The following PLPP1 variants were observed in gnomAD, a reference collection of about 807,000 sequenced individuals.
PLPP1 encodes the protein lipid phosphate phosphohydrolase 1a.
In PLPP1, 24 loss-of-function variants were observed where a neutral mutation model predicts 31.2. The ratio of observed to expected loss-of-function variants is 0.77; its 90% CI spans 0.56 to 1.08. The LOEUF is 1.08. PLPP1 is among the 50% of genes least tolerant of loss of function. The pLI is 0.00. For missense variants in PLPP1, 319 were observed against 342.7 expected (o/e 0.93, Z 0.55); for synonymous variants, 146 against 126.3 (o/e 1.16, Z -1.05).
chr5:55,436,504 G>A (rs898105251), intron 4 of PLPP1, among the ~76,000 whole-genome samples: 1 of 152,206 alleles, frequency 6.6e-6, no homozygotes, highest in South Asian at 2.1e-4. Context: ...GGAACTGGGA[G>A]TCCAATTAAA....
chr5:55,439,948 G>A (rs1751585446), intron 4 of PLPP1, among the ~76,000 whole-genome samples: 1 of 152,130 alleles, frequency 6.6e-6, no homozygotes, highest in South Asian at 2.1e-4. Context: ...TTCAGACCAA[G>A]TAATCAATCA....
chr5:55,514,167 C>T (rs541742606), intron 1 of PLPP1, among the ~76,000 whole-genome samples: 34 of 152,200 alleles, frequency 2.2e-4, no homozygotes, highest in African/African-American at 7.9e-4. Flanking sequence ...TTGCTTGAGC[C>T]CAGGAGTGCA....
At chr5:55,438,745 C>CA (rs1234795228) in intron 4 of PLPP1, among the ~76,000 whole-genome samples, 1 of 151,960 alleles carries the variant, frequency 6.6e-6, no homozygotes, top group Non-Finnish European at 1.5e-5. Flanking sequence ...ACTAAAGATA[C>CA]AAAAAATTAG....
chr5:55,443,192 A>AAAAAAAAAAAAATATATATATAT, intron 3 of PLPP1, among the ~76,000 whole-genome samples: 3 of 25,438 alleles, frequency 1.2e-4, no homozygotes, highest in Non-Finnish European at 1.7e-4. Flanking sequence ...AAAAAAAAAA[A>AAAAAAAAAAAAATATATATATAT]ATATATATAT....
intron 1 of PLPP1, among the ~76,000 whole-genome samples, chr5:55,529,741 T>C (rs1203582299): frequency 7.3e-6 from 1 of 136,778 alleles, no homozygotes; most frequent in Non-Finnish European, 1.6e-5. Context: ...GCAACTCTAA[T>C]AACTGGCTCA....
At chr5:55,488,698 T>C (rs1438909605) in intron 1 of PLPP1, among the ~76,000 whole-genome samples, 1 of 152,048 alleles carries the variant, frequency 6.6e-6, no homozygotes, top group Non-Finnish European at 1.5e-5. Context: ...AAAAAATGTG[T>C]CAAACTAAAG....
intron 1 of PLPP1, among the ~76,000 whole-genome samples, chr5:55,500,639 G>T (rs1353513): frequency 0.037 from 2,121 of 57,340 alleles, 48 homozygotes; most frequent in African/African-American, 0.079. Flanking sequence ...TATTCTGTGG[G>T]TAGCAGGGAG....
chr5:55,457,888 C>A (rs955298876), intron 3 of PLPP1, among the ~76,000 whole-genome samples: 119 of 143,212 alleles, frequency 8.3e-4, no homozygotes, highest in South Asian at 5.2e-3. Flanking sequence ...GACTCTGTCT[C>A]AAAAAAAAAA....
At chr5:55,458,869 C>G (rs146573859) in intron 3 of PLPP1, among the ~76,000 whole-genome samples, 5,248 of 110,090 alleles carry the variant, frequency 0.048, 113 homozygotes, top group Middle Eastern at 0.13. Flanking sequence ...GTCTGGGCAA[C>G]AGAGGAGACC....
chr5:55,445,145 A>G (rs936950237), intron 3 of PLPP1, among the ~76,000 whole-genome samples: 1 of 152,090 alleles, frequency 6.6e-6, no homozygotes, highest in Admixed American at 6.6e-5. Flanking sequence ...ACTTGGCCTG[A>G]TCCCCAATAT....
At chr5:55,511,532 A>G (rs1476010589) in intron 1 of PLPP1, among the ~76,000 whole-genome samples, 2 of 152,126 alleles carry the variant, frequency 1.3e-5, no homozygotes, top group African/African-American at 4.8e-5. Context: ...AAAGCACTGG[A>G]AAGATAAGCA....
At chr5:55,494,200 A>C (rs1752957074) in intron 1 of PLPP1, among the ~76,000 whole-genome samples, 1 of 151,924 alleles carries the variant, frequency 6.6e-6, no homozygotes, top group Non-Finnish European at 1.5e-5. Flanking sequence ...AAAGGGAGAG[A>C]GAGAGCAAGA....
intron 1 of PLPP1, among the ~76,000 whole-genome samples, chr5:55,478,330 G>A (rs969925858): frequency 3.9e-5 from 6 of 152,178 alleles, no homozygotes; most frequent in African/African-American, 9.7e-5. Flanking sequence ...AACCCACTGT[G>A]CAAGGAATTC....
intron 1 of PLPP1, among the ~76,000 whole-genome samples, chr5:55,503,912 A>AG (rs150884435): frequency 3.6e-5 from 2 of 55,856 alleles, no homozygotes; most frequent in African/African-American, 8.9e-5. Context: ...GGGGGGAGGA[A>AG]GGGGGGGGAG....
chr5:55,528,200 T>C (rs1740539110), intron 1 of PLPP1, among the ~76,000 whole-genome samples: 1 of 152,058 alleles, frequency 6.6e-6, no homozygotes, highest in Non-Finnish European at 1.5e-5. Flanking sequence ...CCTACTGCCC[T>C]ATATCAAGTT....
chr5:55,430,639 A>G (rs989246037), intron 4 of PLPP1, among the ~76,000 whole-genome samples: 1 of 152,362 alleles, frequency 6.6e-6, no homozygotes, highest in Middle Eastern at 3.4e-3. Flanking sequence ...TGACTGTTAA[A>G]CCAGATGTAC....
intron 1 of PLPP1, among the ~76,000 whole-genome samples, chr5:55,476,947 C>A (rs1440318201): frequency 6.6e-6 from 1 of 151,638 alleles, no homozygotes; most frequent in Non-Finnish European, 1.5e-5. Flanking sequence ...CTGTATTAGT[C>A]AATTTGCCAA....
At chr5:55,471,700 CTTA>C (rs1282078609) in intron 2 of PLPP1, among the ~76,000 whole-genome samples, 4 of 152,088 alleles carry the variant, frequency 2.6e-5, no homozygotes, top group African/African-American at 9.7e-5. Flanking sequence ...GGTATGCAGT[CTTA>C]ATCACAGGGA....
chr5:55,465,929 G>A (rs1463118810), intron 3 of PLPP1, among the ~76,000 whole-genome samples: 1 of 99,048 alleles, frequency 1.0e-5, no homozygotes, highest in Non-Finnish European at 2.2e-5. Flanking sequence ...CTAGGATACT[G>A]CTTGCCCTTG....
Sources: gnomAD v4.1 joint callset for allele counts (sites outside exome capture counted in the v4.1 genomes callset) on GRCh38, gnomAD v4.1.1 for gene constraint, MANE v1.5 for transcripts, NCBI Gene and HGNC (gene_info 2026-07-23, HGNC 2026-07-21) for gene names.